The following KYAT3 variants were observed in gnomAD, a reference collection of about 807,000 sequenced individuals.
KYAT3 encodes the protein kynurenine aminotransferase 3.
KYAT3 carries 50 observed loss-of-function variants against 59.0 expected under a neutral mutation model. The ratio of observed to expected loss-of-function variants is 0.85; its 90% CI spans 0.68 to 1.07. The LOEUF (loss-of-function observed/expected upper bound fraction) is 1.07. KYAT3 is among the 50% of genes least tolerant of loss of function. KYAT3 has a pLI of 0.00. For missense variants in KYAT3, 497 were observed against 533.3 expected, an observed-to-expected ratio of 0.93 and a Z score of 0.67; for synonymous variants, 148 against 177.0, an observed-to-expected ratio of 0.84 and a Z score of 1.30.
At chr1:88,932,998 T>C (rs370811795), downstream of KYAT3, among the ~76,000 whole-genome samples, 5 of 152,158 alleles carry the variant, frequency 3.3e-5, no homozygotes, top group African/African-American at 1.2e-4. Flanking sequence ...CTTTGAAGTA[T>C]TGCACTGTCT....
chr1:88,957,523 G>A (rs113567544), intron 8 of KYAT3, among the ~76,000 whole-genome samples: 2 of 152,132 alleles, frequency 1.3e-5, no homozygotes, highest in African/African-American at 4.8e-5. Context: ...TATTGTATTC[G>A]ATAGAATACC....
At chr1:88,975,293 C>G (rs544841207) in intron 2 of KYAT3, among the ~76,000 whole-genome samples, 1 of 152,146 alleles carries the variant, frequency 6.6e-6, no homozygotes, top group Non-Finnish European at 1.5e-5. Flanking sequence ...ACAGGACTAC[C>G]GGCACGTGCC....
intron 3 of KYAT3, 116 bp downstream of exon 3, chr1:88,969,293 A>G (rs909740803): frequency 4.2e-5 from 29 of 686,444 alleles, no homozygotes; most frequent in Non-Finnish European, 6.0e-5. Flanking sequence ...TAATGGATGA[A>G]TTAAATGAGG....
intron 2 of KYAT3, among the ~76,000 whole-genome samples, chr1:88,986,896 C>T (rs556052983): frequency 3.7e-4 from 57 of 152,198 alleles, no homozygotes; most frequent in African/African-American, 1.3e-3. Context: ...TATCCCTGTG[C>T]GACTATTTTA....
At chr1:88,947,306 C>CCA (rs1394082402) in intron 11 of KYAT3, among the ~76,000 whole-genome samples, 1 of 152,160 alleles carries the variant, frequency 6.6e-6, no homozygotes, top group African/African-American at 2.4e-5. Context: ...AGGCTTTGGC[C>CCA]CACAGATCCC....
chr1:88,949,257 G>A lies in KYAT3; in HGVS notation c.975C>T (p.Phe325=). The change falls in exon 11 of 14, where the codon TTC becomes TTT. Residue 325 remains phenylalanine, a synonymous_variant. Coordinates refer to ENST00000260508, the MANE Select transcript of KYAT3 (RefSeq NM_001008661.3). ...CATCCATGCGCTTGATGTCAATCCAGAAAGCTTGAGCCAAGGCTTCCTGTT... is the reference window on the plus strand; with the variant it reads ...CATCCATGCGCTTGATGTCAATCCAAAAAGCTTGAGCCAAGGCTTCCTGTT... ...TPLQEALAQA[F]WIDIKRMDDP... 1 of 1,560,312 alleles carries A rather than the reference G, an allele frequency of 6.4e-7. No individual in the cohort carries two copies. The highest frequency in any genetic ancestry group is 8.6e-7 in the Non-Finnish European group (1 of 1,159,868).
intron 2 of KYAT3, chr1:88,980,897 T>C (rs1677052514): frequency 6.6e-6 from 1 of 152,212 alleles, no homozygotes; most frequent in Non-Finnish European, 1.5e-5. Flanking sequence ...TGATTAGTAG[T>C]AGTCTGCCAA....
At chr1:88,921,516 G>A in the KYAT3 span, among the ~76,000 whole-genome samples, 7 of 152,132 alleles carry the variant, frequency 4.6e-5, no homozygotes, top group African/African-American at 1.4e-4. Flanking sequence ...TGCTTACAGT[G>A]TGAAGTCTAT....
chr1:88,969,339 A>C (rs1470179600), intron 3 of KYAT3, 70 bp downstream of exon 3: 17 of 886,918 alleles, frequency 1.9e-5, no homozygotes, highest in Non-Finnish European at 3.2e-5. Flanking sequence ...GGCAAAAAAA[A>C]CTCCCATCTA....
chr1:88,983,142 G>C (rs768090203), intron 2 of KYAT3: 1 of 1,612,440 alleles, frequency 6.2e-7, no homozygotes, highest in Non-Finnish European at 8.5e-7. Flanking sequence ...CTTGTATCAC[G>C]AGAACTTGGG....
intron 2 of KYAT3, among the ~76,000 whole-genome samples, chr1:88,986,335 C>G (rs1677456383): frequency 6.7e-6 from 1 of 150,270 alleles, no homozygotes; most frequent in African/African-American, 2.4e-5. Flanking sequence ...AATTAATAGA[C>G]TATTTTAGGG....
chr1:88,983,936 G>A (rs564893530), intron 2 of KYAT3: 3 of 1,270,550 alleles, frequency 2.4e-6, no homozygotes, highest in Admixed American at 1.9e-5. Flanking sequence ...TCAGTTAGGA[G>A]GACTGAACCG....
At chr1:88,927,796 A>T in the KYAT3 span, among the ~76,000 whole-genome samples, 1 of 152,268 alleles carries the variant, frequency 6.6e-6, no homozygotes, top group African/African-American at 2.4e-5. Flanking sequence ...TTGATGTTTT[A>T]GAAGGGTTAG....
chr1:88,925,047 G>T, the KYAT3 span, among the ~76,000 whole-genome samples: 1 of 152,136 alleles, frequency 6.6e-6, no homozygotes, highest in African/African-American at 2.4e-5. Flanking sequence ...GACCACGAAG[G>T]GACTTCCAAA....
intron 2 of KYAT3, among the ~76,000 whole-genome samples, chr1:88,986,367 T>A (rs1388641015): frequency 6.6e-6 from 1 of 151,730 alleles, no homozygotes; most frequent in Non-Finnish European, 1.5e-5. Flanking sequence ...GGCTCACGCC[T>A]GTAATCCCAG....
chr1:88,950,133 GC>G (rs1413870840), intron 10 of KYAT3, among the ~76,000 whole-genome samples: 1 of 152,172 alleles, frequency 6.6e-6, no homozygotes, highest in East Asian at 1.9e-4. Flanking sequence ...ATCTGCTGGT[GC>G]CTTATCTTGG....
chr1:88,974,522 G>A lies in KYAT3; in HGVS notation c.100-5055C>T, dbSNP rs1249686096. On this transcript the variant is annotated intron_variant, in intron 2 of 13. Coordinates refer to ENST00000260508, the MANE Select transcript of KYAT3 (RefSeq NM_001008661.3). Reference sequence around the variant, plus strand: ...ACAGAGTCTTGCTGTTGGCCAGGCCGTAGTGCAGTGGCATGATCTCGGCTC... The same window carrying A: ...ACAGAGTCTTGCTGTTGGCCAGGCCATAGTGCAGTGGCATGATCTCGGCTC... 3.1e-5 allele frequency among the ~76,000 whole-genome samples: 4 copies of A among 131,128 alleles called. No individual in the cohort carries two copies. In the East Asian group the frequency reaches 6.7e-4, roughly 22 times the overall value. The allele number at this position is 131,128 out of a possible 152,430, so 86.0% of individuals were successfully genotyped here.
intron 13 of KYAT3, among the ~76,000 whole-genome samples, chr1:88,940,325 G>C (rs985797470): frequency 7.2e-5 from 11 of 152,224 alleles, no homozygotes; most frequent in African/African-American, 2.4e-4. Flanking sequence ...TCCTGCCTCG[G>C]CCTCCCAAAG....
chr1:88,988,373 G>C (rs1370839223), intron 1 of KYAT3, 22 bp from the exon 2 acceptor site: 1 of 1,454,976 alleles, frequency 6.9e-7, no homozygotes, highest in East Asian at 2.3e-5. Context: ...AAGAAAAATT[G>C]AGAAGAGGAA....
Sources: gnomAD v4.1 joint callset for allele counts (sites outside exome capture counted in the v4.1 genomes callset) on GRCh38, gnomAD v4.1.1 for gene constraint, MANE v1.5 for transcripts, NCBI Gene and HGNC (gene_info 2026-07-23, HGNC 2026-07-21) for gene names.